Variants in GATA6 observed in about 807,000 individuals in gnomAD.
GATA6 encodes the protein transcription factor GATA-6.
Under a neutral mutation model 48.1 loss-of-function variants are expected in GATA6, and 11 were observed. That is an observed-to-expected ratio of 0.23 (90% CI 0.14 to 0.38). The LOEUF (loss-of-function observed/expected upper bound fraction) is 0.38. GATA6 is among the 10% of genes least tolerant of loss of function. GATA6 has a pLI of 1.00. For synonymous variants in GATA6, 419 were observed against 396.1 expected (o/e 1.06, Z -0.69); for missense variants, 795 against 850.3 (o/e 0.93, Z 0.81).
chr18:22,174,246 G>T (rs990943225), intron 2 of GATA6, among the ~76,000 whole-genome samples: 1 of 152,150 alleles, frequency 6.6e-6, no homozygotes, highest in Non-Finnish European at 1.5e-5. Flanking sequence ...TTGAGCCAGC[G>T]CCTGCAGCTC....
chr18:22,176,992 G>A lies in GATA6; in HGVS notation c.1173G>A (p.Val391=), dbSNP rs1399740472. The change falls in exon 3 of 7, where the codon GTG becomes GTA. Residue 391 remains valine, a synonymous_variant. Coordinates refer to ENST00000269216, the MANE Select transcript of GATA6 (RefSeq NM_005257.6). ...ACCTGTCCGAGAGCCGCGAGTGCGT[G>A]AACTGCGGCTCCATCCAGACGCCGC... ...LEDLSESREC[V]NCGSIQTPLW... is the part of the protein sequence containing the mutation. 3.8e-6 allele frequency: 6 copies of A among 1,572,172 alleles called. No homozygotes were observed. In the African/African-American group the frequency reaches 8.2e-5, roughly 21 times the overall value.
chr18:22,173,098 C>G (rs1397889219), intron 2 of GATA6, among the ~76,000 whole-genome samples: 2 of 152,276 alleles, frequency 1.3e-5, no homozygotes, highest in Middle Eastern at 3.4e-3. Context: ...CTCATTTTTT[C>G]CTGTATCTGG....
chr18:22,178,074 G>A (rs1305634310), intron 3 of GATA6, among the ~76,000 whole-genome samples: 1 of 144,480 alleles, frequency 6.9e-6, no homozygotes. Flanking sequence ...CGATTCTCCT[G>A]CCTCAGCCTC....
At chr18:22,178,760 G>A (rs2033158017) in intron 3 of GATA6, among the ~76,000 whole-genome samples, 1 of 152,086 alleles carries the variant, frequency 6.6e-6, no homozygotes, top group Non-Finnish European at 1.5e-5. Context: ...GTGTGACTGT[G>A]GGTTTCATGT....
rs1238287882 is a variant in GATA6, at chr18:22,181,207, C to T, written c.1303-246C>T. Reference sequence around the variant, plus strand: ...CTGCTCCCGGGTATTCTTGAATTCACGGAGACAGGCTAGCTGGAGAAGTAA... The same window carrying T: ...CTGCTCCCGGGTATTCTTGAATTCATGGAGACAGGCTAGCTGGAGAAGTAA... On this transcript the variant is annotated intron_variant, in intron 3 of 6. Transcript: ENST00000269216. Among the ~76,000 whole-genome samples the T allele has an allele frequency of 9.9e-5, 15 of 152,084 alleles. 1 individual carries two copies. Among genetic ancestry groups the T allele is most frequent in the Non-Finnish European group, 2.1e-4 (14 of 68,032 alleles).
intron 6 of GATA6, among the ~76,000 whole-genome samples, chr18:22,196,900 C>G (rs76482092): frequency 6.6e-6 from 1 of 152,128 alleles, no homozygotes; most frequent in Admixed American, 6.5e-5. Flanking sequence ...CCGACTGCTT[C>G]TGCCCCTGCC....
At position 22,172,090 on chromosome 18, in the gene GATA6, G is replaced by A; in HGVS notation, c.946G>A (p.Ala316Thr). The part of the protein sequence containing the change: ...REPQYSSLSA[A>T]RPLNGTYHHH... Reference sequence around the variant, plus strand: ...GCCCCAGTACAGCTCGCTGTCGGCCGCGCGGCCGCTGAACGGGACGTACCA... The same window carrying A: ...GCCCCAGTACAGCTCGCTGTCGGCCACGCGGCCGCTGAACGGGACGTACCA... The change falls in exon 2 of 7, where the codon GCG (alanine) becomes ACG (threonine). Residue 316 changes from alanine (A) to threonine (T), a missense_variant. This residue lies in a region of GATA6 where 591 missense variants were observed against 570.0 expected (regional missense o/e 1.04). Transcript: ENST00000269216. This position sits in a 1 kb window ranked among gnomAD's most constrained non-coding sequence, Gnocchi z 5.2. The A allele has an allele frequency of 6.8e-7, 1 of 1,463,956 alleles. No individual in the cohort carries two copies. 90.7% of individuals were successfully genotyped at this position (1,463,956 alleles called of 1,614,324 possible).
At chr18:22,200,207 G>A (rs8094980) in intron 6 of GATA6, among the ~76,000 whole-genome samples, 15,689 of 152,048 alleles carry the variant, frequency 0.1, 963 homozygotes, top group East Asian at 0.19. Context: ...GTGTGCGCGC[G>A]CACGCATGCG....
At chr18:22,173,941 CCT>C (rs1361077285) in intron 2 of GATA6, among the ~76,000 whole-genome samples, 1 of 152,242 alleles carries the variant, frequency 6.6e-6, no homozygotes, top group Non-Finnish European at 1.5e-5. Context: ...AGCGAAATTC[CCT>C]CTTTTTGCTT....
chr18:22,197,245 T>G (rs1366528640), intron 6 of GATA6, among the ~76,000 whole-genome samples: 2 of 151,784 alleles, frequency 1.3e-5, no homozygotes, highest in Non-Finnish European at 2.9e-5. Flanking sequence ...GAGATGAGGT[T>G]TCACCATGTT....
chr18:22,171,692 C>T lies in GATA6; in HGVS notation c.548C>T (p.Ala183Val). Residue 183 changes from alanine to valine, a missense_variant, in exon 2 of 7, where the codon GCC (alanine) becomes GTC (valine). Ala to Val is a moderately conservative substitution (Grantham distance 64, BLOSUM62 0). Coordinates refer to ENST00000269216, the MANE Select transcript of GATA6 (RefSeq NM_005257.6). This position sits in a 1 kb window ranked among gnomAD's most constrained non-coding sequence, Gnocchi z 7.1. ...GCGGCGGCAGCAGCCGCGGCGGCGG[C>T]CAGCTCCCCGGTCTACGTGCCCACC... ...AAAAAAAAAA[A>V]SSPVYVPTTR... 1 of 1,497,718 alleles carries T rather than the reference C, an allele frequency of 6.7e-7. No individual in the cohort carries two copies. Among genetic ancestry groups the T allele is most frequent in the Non-Finnish European group, 8.8e-7 (1 of 1,132,238 alleles). 92.8% of individuals were successfully genotyped at this position (1,497,718 alleles called of 1,614,324 possible).
intron 6 of GATA6, among the ~76,000 whole-genome samples, chr18:22,189,783 TACTC>T (rs1490328679): frequency 1.3e-5 from 2 of 152,222 alleles, no homozygotes; most frequent in Non-Finnish European, 1.5e-5. Flanking sequence ...CCTTTCCTAA[TACTC>T]ACTCACTTAT....
rs1177992152 is a variant in GATA6, at chr18:22,172,797, A to G, written c.1135+518A>G. Among the ~76,000 whole-genome samples the G allele has an allele frequency of 6.6e-6, 1 of 152,046 alleles. No homozygotes were observed. The highest frequency in any genetic ancestry group is 1.5e-5 in the Non-Finnish European group (1 of 67,998). On this transcript the variant is annotated intron_variant, in intron 2 of 6. Coordinates refer to ENST00000269216, the MANE Select transcript of GATA6 (RefSeq NM_005257.6). This position sits in a 1 kb window ranked among gnomAD's most constrained non-coding sequence, Gnocchi z 5.2. ...GGTGCGTGTTTGTGTTTTCCTAGAG[A>G]AGGGTATTTAGAAGAGCACAACAGA...
chr18:22,188,904 CAT>C (rs1169098205), intron 6 of GATA6, among the ~76,000 whole-genome samples: 1 of 152,128 alleles, frequency 6.6e-6, no homozygotes, highest in Non-Finnish European at 1.5e-5. Flanking sequence ...CTAATGGAAA[CAT>C]ATTAGACATG....
At chr18:22,181,141 C>G (rs771648437) in intron 3 of GATA6, among the ~76,000 whole-genome samples, 3 of 152,098 alleles carry the variant, frequency 2.0e-5, no homozygotes, top group African/African-American at 7.2e-5. Flanking sequence ...TGATATGATG[C>G]TGGTAAAAGC....
intron 6 of GATA6, 70 bp downstream of exon 6, chr18:22,183,113 C>A: frequency 8.4e-7 from 1 of 1,186,944 alleles, no homozygotes; most frequent in Non-Finnish European, 1.3e-6. Context: ...CAAATTTTAT[C>A]TTATCTGGTA....
At chr18:22,192,399 T>C (rs2033338053) in intron 6 of GATA6, among the ~76,000 whole-genome samples, 1 of 152,184 alleles carries the variant, frequency 6.6e-6, no homozygotes. Flanking sequence ...TCCCAAGATA[T>C]TAGAATAAGA....
chr18:22,182,460 C>T (rs544401945), intron 4 of GATA6, among the ~76,000 whole-genome samples: 32 of 151,734 alleles, frequency 2.1e-4, no homozygotes, highest in Admixed American at 9.9e-4. Flanking sequence ...TGGGTTCAAG[C>T]GATTCTCCTG....
chr18:22,181,591 T>G lies in GATA6; in HGVS notation c.1428+13T>G, dbSNP rs2033196454. The stretch of plus-strand genomic sequence containing the variant: ...GAAACTCCATGGGGTATGCCATGTA[T>G]TCTGCTCACTTGTATATACATTTAG... On this transcript the variant is annotated intron_variant, in intron 4 of 6. Coordinates refer to ENST00000269216, the MANE Select transcript of GATA6 (RefSeq NM_005257.6). The G allele has an allele frequency of 1.2e-6, 2 of 1,613,812 alleles. No individual in the cohort carries two copies. The highest frequency in any genetic ancestry group is 1.7e-6 in the Non-Finnish European group (2 of 1,179,826).
Sources: allele counts gnomAD v4.1 joint callset (sites outside exome capture counted in the v4.1 genomes callset), GRCh38; gene constraint gnomAD v4.1.1; regional missense constraint gnomAD v4.1.1; non-coding constraint Gnocchi (gnomAD v3.1); transcripts MANE v1.5; gene names NCBI Gene and HGNC (gene_info 2026-07-23, HGNC 2026-07-21).